The following WWOX variants were observed in gnomAD, a reference collection of about 807,000 sequenced individuals.
WWOX encodes WW domain-containing oxidoreductase.
Under a neutral mutation model 46.2 loss-of-function variants are expected in WWOX, and 69 were observed. That is an observed-to-expected ratio of 1.49 (90% CI 1.23 to 1.82). The LOEUF (loss-of-function observed/expected upper bound fraction) is 1.82. WWOX is among the 40% of genes most tolerant of loss of function. WWOX has a pLI of 0.00. For missense variants in WWOX, 919 were observed against 542.6 expected (o/e 1.69, Z -6.89); for synonymous variants, 359 against 202.6 (o/e 1.77, Z -6.56).
At chr16:79,047,501 CACAAAT>C (rs150685517) in intron 8 of WWOX, among the ~76,000 whole-genome samples, 2,349 of 152,120 alleles carry the variant, frequency 0.015, 71 homozygotes, top group African/African-American at 0.053. Context: ...GTCGTTAATG[CACAAAT>C]ACCTGCATCC....
chr16:78,694,388 T>A (rs1426642569), intron 8 of WWOX, among the ~76,000 whole-genome samples: 2 of 152,136 alleles, frequency 1.3e-5, no homozygotes, highest in African/African-American at 4.8e-5. Context: ...TTAGCTGGAC[T>A]TTTCCTCCCT....
chr16:79,052,712 C>T (rs754992612), intron 8 of WWOX, among the ~76,000 whole-genome samples: 20 of 152,312 alleles, frequency 1.3e-4, no homozygotes, highest in Middle Eastern at 3.4e-3. Context: ...CTCCTTTGTC[C>T]GGTGTTCTCT....
At chr16:78,887,300 C>T (rs901707476) in intron 8 of WWOX, among the ~76,000 whole-genome samples, 1 of 152,008 alleles carries the variant, frequency 6.6e-6, no homozygotes, top group African/African-American at 2.4e-5. Context: ...TCCTGACTCT[C>T]TATGCAGCCC....
At position 78,542,974 on chromosome 16, in the gene WWOX, C is replaced by T. The variant is rs901243323; in HGVS notation, c.1056+110222C>T. ...AGGAGAGTAGAAGCAGAATAGCAAA[C>T]AATTTTTCCTTTCATGGTCTACCTG... On this transcript the variant is annotated intron_variant, in intron 8 of 8. Transcript: ENST00000566780. 2.0e-5 allele frequency among the ~76,000 whole-genome samples: 3 copies of T among 152,194 alleles called. No homozygotes were observed. In the East Asian group the frequency reaches 5.8e-4, roughly 29 times the overall value.
rs112776736 is a variant in WWOX, at chr16:79,139,870, T to C, written c.1057-71738T>C. On this transcript the variant is annotated intron_variant, in intron 8 of 8. Transcript: ENST00000566780. ...CTGATACTAATTCTGTTACGTGTTA[T>C]GGCGCATACCCAAGACCCTCCCCAT... 7.0e-3 allele frequency among the ~76,000 whole-genome samples: 1,063 copies of C among 152,336 alleles called. 9 individuals are homozygous for C. The highest frequency in any genetic ancestry group is 0.024 in the African/African-American group (1,000 of 41,570).
chr16:78,142,302 T>G (rs983963507), intron 4 of WWOX, among the ~76,000 whole-genome samples: 1 of 152,184 alleles, frequency 6.6e-6, no homozygotes, highest in Non-Finnish European at 1.5e-5. Context: ...CCACCTATTA[T>G]GTAATGAAAA....
chr16:78,963,244 G>T (rs1199429016), intron 8 of WWOX, among the ~76,000 whole-genome samples: 1 of 152,152 alleles, frequency 6.6e-6, no homozygotes, highest in Non-Finnish European at 1.5e-5. Context: ...AGAGGTGAGA[G>T]GATTCCTTGA....
rs189122608 is a variant in WWOX, at chr16:78,816,828, G to T, written c.1056+384076G>T. 2.2e-4 allele frequency among the ~76,000 whole-genome samples: 34 copies of T among 152,124 alleles called. No homozygotes were observed. The East Asian group carries it at 6.6e-3, about 29-fold the overall frequency. ...TAAGTCAAAAGTTATGCAATGCCAA[G>T]TACTCATCTGTGTAATCTATTTCAG... On this transcript the variant is annotated intron_variant, in intron 8 of 8. Coordinates refer to ENST00000566780, the MANE Select transcript of WWOX (RefSeq NM_016373.4).
At chr16:78,820,467 A>G (rs553737130) in intron 8 of WWOX, among the ~76,000 whole-genome samples, 2 of 152,238 alleles carry the variant, frequency 1.3e-5, no homozygotes, top group South Asian at 2.1e-4. Flanking sequence ...CTTACTGATG[A>G]TCTGAGAACT....
At chr16:79,100,858 G>A (rs2049177878) in intron 8 of WWOX, among the ~76,000 whole-genome samples, 1 of 152,030 alleles carries the variant, frequency 6.6e-6, no homozygotes, top group Non-Finnish European at 1.5e-5. Context: ...GAGGGCAGTG[G>A]AATGTATTAA....
chr16:78,610,346 A>G (rs1424443084), intron 8 of WWOX, among the ~76,000 whole-genome samples: 4 of 152,190 alleles, frequency 2.6e-5, no homozygotes, highest in Admixed American at 2.0e-4. Context: ...ATTCAATTTC[A>G]TTACTATTCA....
rs1473767403 is a variant in WWOX at position 79,060,720 on chromosome 16, T to C, written c.1057-150888T>C. On this transcript the variant is annotated intron_variant, in intron 8 of 8. Coordinates refer to ENST00000566780, the MANE Select transcript of WWOX (RefSeq NM_016373.4). The stretch of plus-strand genomic sequence containing the variant: ...TTGTTTAATGTAACCAATGAGGCCA[T>C]TGTCACTGTATGGAGAATAGCTTTA... 3.3e-5 allele frequency among the ~76,000 whole-genome samples: 5 copies of C among 152,338 alleles called. No individual in the cohort carries two copies. In the East Asian group the frequency reaches 5.8e-4, roughly 18 times the overall value.
chr16:78,465,832 G>C (rs932352597), intron 8 of WWOX, among the ~76,000 whole-genome samples: 7 of 152,026 alleles, frequency 4.6e-5, no homozygotes, highest in Admixed American at 2.0e-4. Context: ...AGTCTGAATT[G>C]CATTCTGTTG....
chr16:78,592,032 T>C (rs1321191493), intron 8 of WWOX, among the ~76,000 whole-genome samples: 5 of 152,236 alleles, frequency 3.3e-5, no homozygotes, highest in African/African-American at 1.2e-4. Context: ...GCATCGATTT[T>C]ACCTTTGTCT....
intron 8 of WWOX, among the ~76,000 whole-genome samples, chr16:78,642,202 A>G (rs1404486384): frequency 2.0e-5 from 3 of 152,198 alleles, no homozygotes; most frequent in African/African-American, 7.2e-5. Flanking sequence ...ATTTGTGAAT[A>G]TCCATTCTAT....
In WWOX at chr16:78,338,624, A is replaced by G. The variant is rs1359587560; in HGVS notation, c.517-48236A>G. ...ATTTTCTGACGGAGTTAGAGATAGG[A>G]AAATACCATAATCTGCTATAAATTC... On this transcript the variant is annotated intron_variant, in intron 5 of 8. Transcript: ENST00000566780. 3.3e-5 allele frequency among the ~76,000 whole-genome samples: 4 copies of G among 121,070 alleles called. 2 individuals carry two copies. Among genetic ancestry groups the G allele is most frequent in the Non-Finnish European group, 7.9e-5 (4 of 50,726 alleles). The allele number at this position is 121,070 out of a possible 152,430, so 79.4% of individuals were successfully genotyped here.
chr16:78,907,917 T>A (rs1469798038), intron 8 of WWOX, among the ~76,000 whole-genome samples: 1 of 152,118 alleles, frequency 6.6e-6, no homozygotes, highest in African/African-American at 2.4e-5. Flanking sequence ...GCAAGGGGCT[T>A]TGGTGACCCC....
intron 8 of WWOX, among the ~76,000 whole-genome samples, chr16:78,758,375 G>A (rs1003772060): frequency 6.6e-6 from 1 of 152,144 alleles, no homozygotes; most frequent in Non-Finnish European, 1.5e-5. Flanking sequence ...GATTAATTGG[G>A]CAAGACAAAG....
intron 8 of WWOX, among the ~76,000 whole-genome samples, chr16:79,158,364 T>C (rs920675337): frequency 3.0e-4 from 46 of 152,134 alleles, no homozygotes; most frequent in African/African-American, 1.1e-3. Context: ...AGACTGAAGG[T>C]AAGGGAAACC....
Sources: allele counts gnomAD v4.1 joint callset (sites outside exome capture counted in the v4.1 genomes callset), GRCh38; gene constraint gnomAD v4.1.1; transcripts MANE v1.5; gene names NCBI Gene and HGNC (gene_info 2026-07-23, HGNC 2026-07-21).